Variants in CRLF2 observed in about 807,000 individuals in gnomAD.
The protein encoded by CRLF2 is cytokine receptor-like factor 2.
A neutral mutation model predicts 38.7 loss-of-function variants in CRLF2; 41 were observed. That is an observed-to-expected ratio of 1.06 (90% CI 0.83 to 1.37). The LOEUF (loss-of-function observed/expected upper bound fraction) is 1.37, where lower values mean the gene tolerates loss of function less well. CRLF2 is among the 40% of genes most tolerant of loss of function. The pLI, the probability that CRLF2 is intolerant of heterozygous loss-of-function variation, is 0.00. For synonymous variants in CRLF2, 140 were observed against 128.8 expected (o/e 1.09, Z -0.59); for missense variants, 377 against 322.2 (o/e 1.17, Z -1.30).
rs373054029 is a variant in CRLF2, at chrX:1,202,391, G to T, written c.483+11C>A. On this transcript the variant is annotated intron_variant, in intron 4 of 7. Coordinates refer to ENST00000400841, the MANE Select transcript of CRLF2 (RefSeq NM_022148.4). ...GCCACCATCGCCCTGAGTCGCGGCCGCCCGGCTCACCTGCCACTCGGTGTC... is the reference window on the plus strand; with the variant it reads ...GCCACCATCGCCCTGAGTCGCGGCCTCCCGGCTCACCTGCCACTCGGTGTC... 2 of 1,613,394 alleles carry T rather than the reference G, an allele frequency of 1.2e-6. No individual in the cohort carries two copies. Among genetic ancestry groups the T allele is most frequent in the East Asian group, 4.5e-5 (2 of 44,872 alleles).
At chrX:1,211,228 C>T (rs746757784) in intron 1 of CRLF2, among the ~76,000 whole-genome samples, 5 of 106,140 alleles carry the variant, frequency 4.7e-5, no homozygotes, top group Admixed American at 4.6e-4. Context: ...TAGATGTGTA[C>T]ATGGATGGGT....
intron 6 of CRLF2, among the ~76,000 whole-genome samples, chrX:1,193,637 C>T (rs1196206929): frequency 6.6e-6 from 1 of 151,864 alleles, no homozygotes. Context: ...AAAAAATTAG[C>T]CGGGCGTGGT....
chrX:1,206,335 T>C, intron 3 of CRLF2, 98 bp downstream of exon 3: 1 of 1,057,180 alleles, frequency 9.5e-7, no homozygotes, highest in Non-Finnish European at 1.5e-6. Context: ...ACGGTAATCA[T>C]GGATCCGGCG....
chrX:1,208,609 G>T (rs1388989030), intron 2 of CRLF2, among the ~76,000 whole-genome samples, 197 bp downstream of exon 2: 6 of 152,158 alleles, frequency 3.9e-5, no homozygotes, highest in African/African-American at 1.2e-4. Context: ...CAGTGAGTCA[G>T]CCATCCCTTG....
rs761631550 is a variant in CRLF2 at position 1,196,983 on chromosome X, C to G, written c.647-83G>C. The stretch of plus-strand genomic sequence containing the variant: ...TTCAACGTGATGTTACATCTCATCC[C>G]TAACCAGTCTCCCTCATTTTTTGGT... On this transcript the variant is annotated intron_variant, in intron 5 of 7. Coordinates refer to ENST00000400841, the MANE Select transcript of CRLF2 (RefSeq NM_022148.4). 31 of 1,163,394 alleles carry G rather than the reference C, an allele frequency of 2.7e-5. 1 individual carries two copies. The South Asian group carries it at 5.0e-4, about 19-fold the overall frequency. 72.1% of individuals were successfully genotyped at this position (1,163,394 alleles called of 1,614,324 possible).
intron 3 of CRLF2, among the ~76,000 whole-genome samples, chrX:1,205,639 T>C (rs2086678601): frequency 1.3e-5 from 2 of 151,856 alleles, no homozygotes; most frequent in African/African-American, 4.8e-5. Flanking sequence ...AGCTTTTTTA[T>C]TTATGGCAAT....
rs774278321 is a variant in CRLF2, at chrX:1,199,786, A to C, written c.484-1062T>G. Among the ~76,000 whole-genome samples the C allele has an allele frequency of 2.0e-5, 3 of 151,890 alleles. No homozygotes were observed. The South Asian group carries it at 6.2e-4, about 32-fold the overall frequency. On this transcript the variant is annotated intron_variant, in intron 4 of 7. Transcript: ENST00000400841. Reference sequence around the variant, plus strand: ...CTGTATATATAAGGTGTGTATATATAATTGTGTATATATAAGTTGTGTGTA... The same window carrying C: ...CTGTATATATAAGGTGTGTATATATCATTGTGTATATATAAGTTGTGTGTA...
At chrX:1,204,863 A>C (rs1301193302) in intron 3 of CRLF2, among the ~76,000 whole-genome samples, 1 of 150,926 alleles carries the variant, frequency 6.6e-6, no homozygotes, top group African/African-American at 2.4e-5. Flanking sequence ...TAAATCGCCC[A>C]GGCTGGAGTG....
rs760798792 is a variant in CRLF2, at chrX:1,199,010, G to A, written c.484-286C>T. 267 of 454,126 alleles carry A rather than the reference G, an allele frequency of 5.9e-4. 3 individuals are homozygous for A. The highest frequency in any genetic ancestry group is 2.1e-3 in the South Asian group (108 of 51,182). The allele number at this position is 454,126 out of a possible 1,614,324, so 28.1% of individuals were successfully genotyped here. A position where few individuals can be genotyped will look rare whatever the true frequency, so the allele number is the denominator to read the frequency against. ...CTGATAATACAAAAATTAGCCAGGC[G>A]TGGTGGCGGGTGCCTGTAATCCCAG... On this transcript the variant is annotated intron_variant, in intron 4 of 7. Coordinates refer to ENST00000400841, the MANE Select transcript of CRLF2 (RefSeq NM_022148.4).
chrX:1,212,431 A>G (rs2086820650), intron 1 of CRLF2, 125 bp downstream of exon 1: 2 of 645,302 alleles, frequency 3.1e-6, no homozygotes, highest in Non-Finnish European at 5.2e-6. Context: ...AAAAAAAAAA[A>G]AAAAAAAGAA....
Position 1,212,608 on chromosome X carries a change from T to TC in CRLF2, c.26dup (p.Ala10SerfsTer56). ...AGCCTCCCAGCAGAAAGACGGCAGC[T>TC]CCCCACAGCAGAACCAGCCGCCCCA... On this transcript the variant is annotated frameshift_variant, in exon 1 of 8. Coordinates refer to ENST00000400841, the MANE Select transcript of CRLF2 (RefSeq NM_022148.4). LOFTEE classifies it high-confidence loss of function. 6.2e-7 allele frequency: 1 copy of TC among 1,612,292 alleles called. No homozygotes were observed. Among genetic ancestry groups the TC allele is most frequent in the Non-Finnish European group, 8.5e-7 (1 of 1,179,188 alleles).
At position 1,191,095 on chromosome X, in the gene CRLF2, A is replaced by G. The variant is rs2086365438; in HGVS notation, c.918T>C (p.Ser306=). The change falls in exon 8 of 8, where the codon AGT becomes AGC. Residue 306 remains serine, a synonymous_variant. Transcript: ENST00000400841. ...LHKMAGAEQE[S]GPEEPLVVQL... ...GGACTACCAGGGGCTCCTCGGGGCC[A>G]CTTTCTTGCTCTGCACCTGCCATCT... 2.5e-6 allele frequency: 1 copy of G among 398,510 alleles called. No individual in the cohort carries two copies. The highest frequency in any genetic ancestry group is 3.6e-5 in the East Asian group (1 of 28,054). 24.7% of individuals were successfully genotyped at this position (398,510 alleles called of 1,614,324 possible).
chrX:1,207,690 C>G (rs1193100666), intron 2 of CRLF2, among the ~76,000 whole-genome samples: 2 of 150,666 alleles, frequency 1.3e-5, no homozygotes, highest in African/African-American at 2.4e-5. Context: ...GACAGTCTCG[C>G]TCTGTCGGCC....
intron 3 of CRLF2, 41 bp downstream of exon 3, chrX:1,206,391 GA>G: frequency 6.4e-7 from 1 of 1,564,974 alleles, no homozygotes; most frequent in Non-Finnish European, 8.8e-7. Context: ...TAAGCTGAAG[GA>G]AGTACTGAAA....
chrX:1,211,196 G>C (rs868519702), intron 1 of CRLF2, among the ~76,000 whole-genome samples: 1 of 140,132 alleles, frequency 7.1e-6, no homozygotes, highest in African/African-American at 2.8e-5. Context: ...TGGATGGATG[G>C]ATGCATGGAT....
intron 5 of CRLF2, among the ~76,000 whole-genome samples, chrX:1,197,554 G>A (rs1484298747): frequency 7.9e-5 from 12 of 152,010 alleles, no homozygotes; most frequent in Admixed American, 4.6e-4. Flanking sequence ...GGTGGCTCAC[G>A]CCTTTAATCC....
rs199850746 is a variant in CRLF2, at chrX:1,201,876, CATAG to C, written c.483+522_483+525del. Among the ~76,000 whole-genome samples the C allele has an allele frequency of 8.7e-3, 1,322 of 151,554 alleles. 7 individuals carry two copies. Among genetic ancestry groups the C allele is most frequent in the Non-Finnish European group, 0.014 (954 of 67,876 alleles). ...TGATATATATAGAAGATTGACCATA[CATAG>C]ATAGATAAAAGAGAGTTGGTAGATA... is the stretch of plus-strand genomic sequence containing the variant. On this transcript the variant is annotated intron_variant, in intron 4 of 7. Coordinates refer to ENST00000400841, the MANE Select transcript of CRLF2 (RefSeq NM_022148.4).
intron 3 of CRLF2, among the ~76,000 whole-genome samples, chrX:1,206,032 T>A (rs1296273728): frequency 1.3e-5 from 2 of 152,012 alleles, no homozygotes; most frequent in Admixed American, 1.3e-4. Flanking sequence ...ATCCAGCGAC[T>A]ATCATGAGAT....
At chrX:1,211,302 AGT>A (rs2086794644) in intron 1 of CRLF2, among the ~76,000 whole-genome samples, 1 of 86,940 alleles carries the variant, frequency 1.2e-5, no homozygotes, top group East Asian at 3.4e-4. Flanking sequence ...AGTGGATAAA[AGT>A]GTGGGTGAAT....
Sources: allele counts gnomAD v4.1 joint callset (sites outside exome capture counted in the v4.1 genomes callset), GRCh38; gene constraint gnomAD v4.1.1; transcripts MANE v1.5; gene names NCBI Gene and HGNC (gene_info 2026-07-23, HGNC 2026-07-21).